The following SCGB2B2 variants were observed in gnomAD, a reference collection of about 807,000 sequenced individuals.
The protein encoded by SCGB2B2 is secretoglobin family 2B member 2, also known as secretoglobin-like protein.
In SCGB2B2, 11 loss-of-function variants were observed where a neutral mutation model predicts 7.6. The observed-to-expected ratio is 1.45, with a 90% CI of 0.91 to 2.40. The LOEUF is 2.40. Ranked by LOEUF, SCGB2B2 falls within the 30% of genes most tolerant of loss-of-function variation. SCGB2B2 has a pLI of 0.00. For missense variants in SCGB2B2, 104 were observed against 115.4 expected (o/e 0.90, Z 0.45); for synonymous variants, 50 against 48.6 (o/e 1.03, Z -0.12).
intron 1 of SCGB2B2, chr19:34,635,074 T>C: frequency 3.4e-6 from 1 of 296,708 alleles, no homozygotes; most frequent in Non-Finnish European, 7.0e-6. Context: ...GCTGAAGCAT[T>C]TCCCACATTC....
rs532740711 is a variant in SCGB2B2 at position 34,614,850 on chromosome 19, T to A, written c.-2031-18256A>T. 2.1e-3 allele frequency among the ~76,000 whole-genome samples: 321 copies of A among 152,358 alleles called. 2 individuals carry two copies. The highest frequency in any genetic ancestry group is 7.4e-3 in the African/African-American group (309 of 41,582). On this transcript the variant is annotated intron_variant, in intron 1 of 3. Coordinates refer to ENST00000601241, the MANE Select transcript of SCGB2B2 (RefSeq NM_001025591.4). ...TCCAAATTAGTATAGTGGTATGGTC[T>A]ACATGTAGTTTCCTTATCTGTGTTG...
At chr19:34,615,298 T>A (rs1268467423) in intron 1 of SCGB2B2, among the ~76,000 whole-genome samples, 1 of 152,158 alleles carries the variant, frequency 6.6e-6, no homozygotes, top group East Asian at 1.9e-4. Flanking sequence ...TCTAAAATAC[T>A]CCAGTGGTGA....
chr19:34,663,089 C>T (rs1295732393), intron 1 of SCGB2B2, among the ~76,000 whole-genome samples: 1 of 152,250 alleles, frequency 6.6e-6, no homozygotes, highest in Non-Finnish European at 1.5e-5. Context: ...GATGCCGACG[C>T]CCCTGACACC....
intron 1 of SCGB2B2, chr19:34,640,289 T>G (rs991347799): frequency 1.3e-5 from 2 of 151,976 alleles, no homozygotes; most frequent in African/African-American, 4.8e-5. Context: ...TTTTTTTTTT[T>G]AAATAGAGAC....
At chr19:34,634,354 A>C (rs1341694664) in intron 1 of SCGB2B2, among the ~76,000 whole-genome samples, 1 of 152,164 alleles carries the variant, frequency 6.6e-6, no homozygotes. Flanking sequence ...CCTAAGGTAC[A>C]CTTGCCAGCT....
At chr19:34,610,982 G>T (rs2065911401) in intron 1 of SCGB2B2, among the ~76,000 whole-genome samples, 1 of 152,048 alleles carries the variant, frequency 6.6e-6, no homozygotes. Context: ...TATTTTATTA[G>T]AGATTCAATC....
chr19:34,635,197 G>A, intron 1 of SCGB2B2: 1 of 279,498 alleles, frequency 3.6e-6, no homozygotes, highest in Non-Finnish European at 7.4e-6. Context: ...GGCTCCACTG[G>A]GAACTCTCGG....
chr19:34,651,411 A>G (rs2067159144), intron 1 of SCGB2B2, among the ~76,000 whole-genome samples: 1 of 151,314 alleles, frequency 6.6e-6, no homozygotes, highest in South Asian at 2.1e-4. Flanking sequence ...AAAAACTCTT[A>G]GAACTGATCA....
intron 1 of SCGB2B2, among the ~76,000 whole-genome samples, chr19:34,656,343 C>T (rs1203598279): frequency 1.3e-5 from 2 of 151,308 alleles, no homozygotes; most frequent in Non-Finnish European, 2.9e-5. Context: ...GTGGCTCATG[C>T]CTATAGTTCC....
In SCGB2B2 at chr19:34,593,459, T is replaced by TG. The variant is rs2065350615; in HGVS notation, c.*95dup. 3 of 882,368 alleles carry TG rather than the reference T, an allele frequency of 3.4e-6. No individual in the cohort carries two copies. Among genetic ancestry groups the TG allele is most frequent in the South Asian group, 3.0e-5 (2 of 67,698 alleles). 54.7% of individuals were successfully genotyped at this position (882,368 alleles called of 1,614,324 possible). On this transcript the variant is annotated 3_prime_UTR_variant, in exon 4 of 4. Transcript: ENST00000601241. ...ACAGAACTGAGCTGCAGGTGTTCAT[T>TG]GGGGTCTCTGTAGTGATGAACAGAG...
intron 1 of SCGB2B2, among the ~76,000 whole-genome samples, chr19:34,661,371 A>G (rs2146138053): frequency 6.6e-6 from 1 of 152,362 alleles, no homozygotes; most frequent in Non-Finnish European, 1.5e-5. Context: ...ATAAATGGCA[A>G]CATGTACCAG....
At chr19:34,673,659 C>A (rs1251484920) in intron 1 of SCGB2B2, among the ~76,000 whole-genome samples, 3 of 152,174 alleles carry the variant, frequency 2.0e-5, no homozygotes, top group Non-Finnish European at 1.5e-5. Context: ...TTACAGTATT[C>A]ATTTAAACTA....
chr19:34,611,728 C>T (rs1340990135), intron 1 of SCGB2B2, among the ~76,000 whole-genome samples: 1 of 151,544 alleles, frequency 6.6e-6, no homozygotes, highest in Non-Finnish European at 1.5e-5. Context: ...TGGCTCACTG[C>T]AACCTCCGCC....
At chr19:34,636,628 C>A (rs1440714175) in intron 1 of SCGB2B2, among the ~76,000 whole-genome samples, 1 of 152,144 alleles carries the variant, frequency 6.6e-6, no homozygotes, top group Non-Finnish European at 1.5e-5. Flanking sequence ...AGGGGTGAGA[C>A]CTGGAAATCA....
chr19:34,673,912 C>A (rs1048742993), intron 1 of SCGB2B2, among the ~76,000 whole-genome samples: 4 of 152,170 alleles, frequency 2.6e-5, no homozygotes, highest in Admixed American at 6.5e-5. Context: ...CTCTTATACT[C>A]CTGCTTCCCT....
intron 1 of SCGB2B2, among the ~76,000 whole-genome samples, chr19:34,648,963 T>A (rs1466027134): frequency 6.6e-6 from 1 of 152,078 alleles, no homozygotes; most frequent in East Asian, 1.9e-4. Flanking sequence ...AGTGCAGTGG[T>A]GCGATCTCAA....
At chr19:34,654,530 G>GA (rs762755100) in intron 1 of SCGB2B2, among the ~76,000 whole-genome samples, 7 of 150,990 alleles carry the variant, frequency 4.6e-5, no homozygotes, top group Non-Finnish European at 8.8e-5. Flanking sequence ...CAATTATTCT[G>GA]GCAGTCACAC....
At chr19:34,625,317 G>A (rs531283020) in intron 1 of SCGB2B2, among the ~76,000 whole-genome samples, 10 of 152,334 alleles carry the variant, frequency 6.6e-5, no homozygotes, top group South Asian at 2.1e-4. Context: ...GAAGCAGGGC[G>A]AGGCATCATC....
intron 1 of SCGB2B2, among the ~76,000 whole-genome samples, chr19:34,652,970 C>G (rs930440168): frequency 6.6e-6 from 1 of 150,734 alleles, no homozygotes; most frequent in Non-Finnish European, 1.5e-5. Context: ...TCCATGAACA[C>G]GTGAACAGAT....
Sources: gnomAD v4.1 joint callset for allele counts (sites outside exome capture counted in the v4.1 genomes callset) on GRCh38, gnomAD v4.1.1 for gene constraint, MANE v1.5 for transcripts, NCBI Gene and HGNC (gene_info 2026-07-23, HGNC 2026-07-21) for gene names.